Variants in MEGF9 observed in about 807,000 individuals in gnomAD.
MEGF9 encodes multiple epidermal growth factor-like domains protein 9.
MEGF9 carries 6 observed loss-of-function variants against 46.8 expected under a neutral mutation model. The ratio of observed to expected loss-of-function variants is 0.13; its 90% confidence interval spans 0.07 to 0.25. The LOEUF is 0.25. Among genes scored for constraint, MEGF9 ranks in the 10% least tolerant of loss-of-function variants. The pLI is 1.00. For missense variants in MEGF9, 683 were observed against 792.4 expected (o/e 0.86, Z 1.66); for synonymous variants, 302 against 330.7 (o/e 0.91, Z 0.94).
At chr9:120,653,652 G>A (rs540272798) in intron 2 of MEGF9, among the ~76,000 whole-genome samples, 3 of 152,252 alleles carry the variant, frequency 2.0e-5, no homozygotes, top group South Asian at 2.1e-4. Context: ...GATTACAGGC[G>A]TGGGCCACCG....
Position 120,703,919 on chromosome 9 carries a change from G to A in MEGF9, c.601+9839C>T, listed in dbSNP as rs539470151. On this transcript the variant is annotated intron_variant, in intron 1 of 5. Transcript: ENST00000373930. ...ACCTAAGAGGCAGAGGTTGCAGTGA[G>A]CCAAGATGGCACCACTGCACTCCAG... Among the ~76,000 whole-genome samples, 241 of 151,808 alleles carry A rather than the reference G, an allele frequency of 1.6e-3. 1 individual carries two copies. The highest frequency in any genetic ancestry group is 5.7e-3 in the African/African-American group (234 of 41,382).
chr9:120,694,955 G>T (rs759730937), intron 1 of MEGF9, among the ~76,000 whole-genome samples: 4 of 151,128 alleles, frequency 2.6e-5, no homozygotes, highest in Admixed American at 6.6e-5. Context: ...ACTATTTAGG[G>T]GTATTCACTT....
intron 2 of MEGF9, among the ~76,000 whole-genome samples, chr9:120,652,168 ACACACACACACAC>A (rs1187052876): frequency 4.9e-4 from 21 of 42,812 alleles, no homozygotes; most frequent in African/African-American, 1.5e-3. Context: ...ACACACACAC[ACACACACACACAC>A]AAAAAAAAAA....
In MEGF9 at chr9:120,605,623, G is replaced by C; in HGVS notation, c.1376C>G (p.Pro459Arg). The C allele has an allele frequency of 6.4e-7, 1 of 1,564,288 alleles. No individual in the cohort carries two copies. The highest frequency in any genetic ancestry group is 8.7e-7 in the Non-Finnish European group (1 of 1,153,870). Residue 459 changes from proline (P) to arginine (R), a missense_variant, in exon 6 of 6, where the codon CCT becomes CGT. Pro to Arg is a moderately radical substitution (Grantham distance 103). Transcript: ENST00000373930. This position sits in a 1 kb window ranked among gnomAD's most constrained non-coding sequence, Gnocchi z 4.0. ...CIKKEVILPT[P>R]EGSTILVSNA... ...GGAAACCAAAATGGTAGAACCTTCA[G>C]GTGTTGGAAGAATAACTTCTGAAAA...
chr9:120,619,333 G>C (rs1383567811), intron 3 of MEGF9, among the ~76,000 whole-genome samples: 4 of 152,152 alleles, frequency 2.6e-5, no homozygotes, highest in African/African-American at 9.7e-5. Context: ...GGCAACAAGG[G>C]TGAAACTCTG....
chr9:120,706,834 C>T (rs1489492792), intron 1 of MEGF9, among the ~76,000 whole-genome samples: 3 of 151,582 alleles, frequency 2.0e-5, no homozygotes, highest in Admixed American at 6.6e-5. Context: ...GACCCTGTCT[C>T]AAAAGAAAAA....
At chr9:120,665,764 T>C (rs1471349954) in intron 1 of MEGF9, among the ~76,000 whole-genome samples, 1 of 152,218 alleles carries the variant, frequency 6.6e-6, no homozygotes. Flanking sequence ...TTGAGTTAAT[T>C]TTTTTAAAAG....
chr9:120,657,479 T>C (rs1356120111), intron 2 of MEGF9, among the ~76,000 whole-genome samples: 1 of 152,252 alleles, frequency 6.6e-6, no homozygotes, highest in African/African-American at 2.4e-5. Flanking sequence ...CCTTCCTTTA[T>C]TTCTTTCTCT....
chr9:120,701,906 G>A (rs2043906940), intron 1 of MEGF9, among the ~76,000 whole-genome samples: 1 of 152,100 alleles, frequency 6.6e-6, no homozygotes, highest in Non-Finnish European at 1.5e-5. Context: ...AGCCAGGTGT[G>A]GTGGCCGGCG....
chr9:120,687,635 G>T (rs2043828739), intron 1 of MEGF9, among the ~76,000 whole-genome samples: 1 of 150,986 alleles, frequency 6.6e-6, no homozygotes, highest in Non-Finnish European at 1.5e-5. Flanking sequence ...CATGGTAAGA[G>T]TTCATTATAC....
chr9:120,605,060 A>C lies in MEGF9; in HGVS notation c.*130T>G, dbSNP rs2043414340. 1.2e-6 allele frequency: 1 copy of C among 857,332 alleles called. No homozygotes were observed. The highest frequency in any genetic ancestry group is 1.7e-5 in the African/African-American group (1 of 59,120). The allele number at this position is 857,332 out of a possible 1,614,324, so 53.1% of individuals were successfully genotyped here. On this transcript the variant is annotated 3_prime_UTR_variant, in exon 6 of 6. Transcript: ENST00000373930. This position sits in a 1 kb window ranked among gnomAD's most constrained non-coding sequence, Gnocchi z 4.0. ...TAGGCTAAGCGCATTACAAATTTGT[A>C]CCTGAAAATTTCAGATGCACTATTT...
intron 3 of MEGF9, among the ~76,000 whole-genome samples, chr9:120,616,431 G>A (rs1397323721): frequency 6.6e-6 from 1 of 152,020 alleles, no homozygotes; most frequent in African/African-American, 2.4e-5. Context: ...TGTAATCCCA[G>A]CACTCTGGGA....
At chr9:120,621,513 A>T (rs75195774) in intron 3 of MEGF9, among the ~76,000 whole-genome samples, 6,225 of 152,236 alleles carry the variant, frequency 0.041, 419 homozygotes, top group African/African-American at 0.14. Context: ...TTCATTTGAT[A>T]TTTTAGAGAT....
chr9:120,670,308 GCTGGTCTCAAACTC>G (rs1287352431), intron 1 of MEGF9, among the ~76,000 whole-genome samples: 1 of 152,078 alleles, frequency 6.6e-6, no homozygotes, highest in East Asian at 1.9e-4. Context: ...TGTTGGTCAG[GCTGGTCTCAAACTC>G]CTGACCTCAA....
chr9:120,653,700 T>TA (rs2043663968), intron 2 of MEGF9, among the ~76,000 whole-genome samples: 1 of 152,146 alleles, frequency 6.6e-6, no homozygotes, highest in Admixed American at 6.5e-5. Flanking sequence ...TTTTTAAAAC[T>TA]AAAAAAATGA....
chr9:120,700,632 T>C (rs549467049), intron 1 of MEGF9, among the ~76,000 whole-genome samples: 1 of 152,250 alleles, frequency 6.6e-6, no homozygotes, highest in Non-Finnish European at 1.5e-5. Context: ...ATGCAAGTCC[T>C]TCCCCCCCCG....
Position 120,605,955 on chromosome 9 carries a change from C to T in MEGF9, c.1358-314G>A, listed in dbSNP as rs572517451. Among the ~76,000 whole-genome samples the T allele has an allele frequency of 9.9e-5, 15 of 151,928 alleles. 1 individual carries two copies. Among genetic ancestry groups the T allele is most frequent in the African/African-American group, 2.4e-4 (10 of 41,428 alleles). ...TTGGGCGGCCGAGGGTGGTGGATCA[C>T]GAGGTCAGGAGTTCAAGACCAGCCT... On this transcript the variant is annotated intron_variant, in intron 5 of 5. Coordinates refer to ENST00000373930, the MANE Select transcript of MEGF9 (RefSeq NM_001080497.3). This position sits in a 1 kb window ranked among gnomAD's most constrained non-coding sequence, Gnocchi z 4.0.
rs1269440890 is a variant in MEGF9, at chr9:120,637,204, TA to T, written c.804-14450del. ...AAGGGTGGTGCAAGATGTGCTTTGT[TA>T]AACAGATGCTTGAAGGCAGCATGCT... On this transcript the variant is annotated intron_variant, in intron 2 of 5. Coordinates refer to ENST00000373930, the MANE Select transcript of MEGF9 (RefSeq NM_001080497.3). Among the ~76,000 whole-genome samples, 5 of 151,992 alleles carry T rather than the reference TA, an allele frequency of 3.3e-5. No individual in the cohort carries two copies. In the East Asian group the frequency reaches 9.7e-4, roughly 29 times the overall value.
At chr9:120,696,372 T>C (rs2043877121) in intron 1 of MEGF9, among the ~76,000 whole-genome samples, 1 of 152,192 alleles carries the variant, frequency 6.6e-6, no homozygotes, top group African/African-American at 2.4e-5. Context: ...AGATCTGAAT[T>C]TGAATCAAGG....
Sources: allele counts gnomAD v4.1 joint callset (sites outside exome capture counted in the v4.1 genomes callset), GRCh38; gene constraint gnomAD v4.1.1; non-coding constraint Gnocchi (gnomAD v3.1); transcripts MANE v1.5; gene names NCBI Gene and HGNC (gene_info 2026-07-23, HGNC 2026-07-21).